SRRT: variants seen among roughly 807,000 people sequenced by gnomAD.
SRRT encodes the protein serrate RNA effector molecule homolog.
A neutral mutation model predicts 103.2 loss-of-function variants in SRRT; 32 were observed. That is an observed-to-expected ratio of 0.31 (90% CI 0.23 to 0.42). SRRT has a LOEUF of 0.42. SRRT is among the 10% of genes least tolerant of loss of function. The pLI is 1.00. For synonymous variants in SRRT, 525 were observed against 449.0 expected (o/e 1.17, Z -2.14); for missense variants, 986 against 1,207.5 (o/e 0.82, Z 2.72).
Position 100,887,532 on chromosome 7 carries a change from T to C in SRRT, c.2169+19T>C, listed in dbSNP as rs369882194. 6.2e-7 allele frequency: 1 copy of C among 1,611,614 alleles called. No homozygotes were observed. The highest frequency in any genetic ancestry group is 2.2e-5 in the East Asian group (1 of 44,828). Reference sequence around the variant, plus strand: ...ATTCAAGGTGTGGGATGTTGGAGAATGGCCGTGCTACGGTGGTGGGAGGTG... The same window carrying C: ...ATTCAAGGTGTGGGATGTTGGAGAACGGCCGTGCTACGGTGGTGGGAGGTG... On this transcript the variant is annotated intron_variant, in intron 16 of 19. Coordinates refer to ENST00000611405, the MANE Select transcript of SRRT (RefSeq NM_015908.6). This position sits in a 1 kb window ranked among gnomAD's most constrained non-coding sequence, Gnocchi z 4.1.
rs773983357 is a variant in SRRT at position 100,885,295 on chromosome 7, G to A, written c.1242G>A (p.Pro414=). Residue 414 remains proline (P), a synonymous_variant, in exon 10 of 20, where the codon CCG becomes CCA. Coordinates refer to ENST00000611405, the MANE Select transcript of SRRT (RefSeq NM_015908.6). The surrounding 1 kb of genome is among the most constrained non-coding windows in gnomAD (Gnocchi z 4.8). ...ACGCCGCGGGGCTGGAGTGCAAGCC[G>A]CGGCCGCTGCATAAGACCTGCTCCC... ...PKDAAGLECK[P]RPLHKTCSLF... 4.3e-6 allele frequency: 7 copies of A among 1,614,020 alleles called. No homozygotes were observed. Among genetic ancestry groups the A allele is most frequent in the South Asian group, 1.1e-5 (1 of 91,092 alleles).
intron 2 of SRRT, among the ~76,000 whole-genome samples, chr7:100,879,505 A>G (rs896121652): frequency 2.6e-5 from 4 of 152,214 alleles, no homozygotes; most frequent in Admixed American, 6.5e-5. Flanking sequence ...TGTAAAAACA[A>G]TGCCACTTTT....
At position 100,884,215 on chromosome 7, in the gene SRRT, G is replaced by T. The variant is rs140988239; in HGVS notation, c.733G>T (p.Ala245Ser). 7 of 1,614,050 alleles carry T rather than the reference G, an allele frequency of 4.3e-6. No homozygotes were observed. Among genetic ancestry groups the T allele is most frequent in the Middle Eastern group, 1.6e-4 (1 of 6,082 alleles). ...NLLLDIDKAD[A>S]IVKMLDAAVI... Reference sequence around the variant, plus strand: ...TCTCCTGGACATAGACAAAGCTGATGCCATTGTCAAGATGCTGGATGCAGG... The same window carrying T: ...TCTCCTGGACATAGACAAAGCTGATTCCATTGTCAAGATGCTGGATGCAGG... Residue 245 changes from alanine (A) to serine (S), a missense_variant, in exon 6 of 20, where the codon GCC (alanine) becomes TCC (serine). Physicochemically the swap from Ala to Ser is moderately conservative, Grantham distance 99. Around this residue, in one of 6 missense-constraint regions of SRRT, gnomAD observed 274 missense variants for 358.5 expected, o/e 0.76. Coordinates refer to ENST00000611405, the MANE Select transcript of SRRT (RefSeq NM_015908.6).
At position 100,884,920 on chromosome 7, in the gene SRRT, CAG is replaced by C; in HGVS notation, c.1042_1043del. On this transcript the variant is annotated splice_acceptor_variant, in intron 8 of 19. Transcript: ENST00000611405. LOFTEE classifies it high-confidence loss of function. Reference sequence around the variant, plus strand: ...CTTGTCCCCTCTGCTGTGGCTCACACAGAGTAGCAAGAAGCGGAACCGGAAGC... The same window carrying C: ...CTTGTCCCCTCTGCTGTGGCTCACACAGTAGCAAGAAGCGGAACCGGAAGC... The C allele has an allele frequency of 6.2e-7, 1 of 1,613,922 alleles. No individual in the cohort carries two copies. The highest frequency in any genetic ancestry group is 8.5e-7 in the Non-Finnish European group (1 of 1,179,964).
Position 100,887,295 on chromosome 7 carries a change from T to C in SRRT, c.1976-25T>C. On this transcript the variant is annotated intron_variant, in intron 15 of 19. Coordinates refer to ENST00000611405, the MANE Select transcript of SRRT (RefSeq NM_015908.6). The surrounding 1 kb of genome is among the most constrained non-coding windows in gnomAD (Gnocchi z 4.1). ...TTCCTTCTGGCTCCCTTGCCAACCT[T>C]CCTTCCTCTGTTCCCAAACCACAGT... is the stretch of plus-strand genomic sequence containing the variant. 6.2e-7 allele frequency: 1 copy of C among 1,611,300 alleles called. No homozygotes were observed. The highest frequency in any genetic ancestry group is 8.5e-7 in the Non-Finnish European group (1 of 1,177,938).
intron 5 of SRRT, 21 bp from the exon 6 acceptor site, chr7:100,884,049 C>T (rs772456153): frequency 6.4e-6 from 10 of 1,560,554 alleles, no homozygotes; most frequent in East Asian, 2.3e-5. Flanking sequence ...TTTGTCTTTC[C>T]CTCCCCCGCT....
At chr7:100,875,766 C>G in intron 2 of SRRT, 54 bp downstream of exon 2, 1 of 1,602,962 alleles carries the variant, frequency 6.2e-7, no homozygotes, top group Admixed American at 1.7e-5. Context: ...TCACTCCACC[C>G]GCGTCGCTTT....
intron 2 of SRRT, among the ~76,000 whole-genome samples, chr7:100,877,331 G>T (rs1395193009): frequency 7.0e-6 from 1 of 143,800 alleles, no homozygotes; most frequent in African/African-American, 2.6e-5. Context: ...TGAGACAGGA[G>T]AATTGCTTGA....
intron 12 of SRRT, 30 bp from the exon 13 acceptor site, chr7:100,886,217 G>C: frequency 6.3e-7 from 1 of 1,599,200 alleles, no homozygotes; most frequent in Non-Finnish European, 8.5e-7. Flanking sequence ...GGGTAAGTGG[G>C]GTAAGCTGCT....
In SRRT at chr7:100,888,326, G is replaced by A. The variant is rs758672689; in HGVS notation, c.2498G>A (p.Arg833Gln). 4.3e-6 allele frequency: 7 copies of A among 1,614,140 alleles called. No homozygotes were observed. Among genetic ancestry groups the A allele is most frequent in the Non-Finnish European group, 5.9e-6 (7 of 1,179,984 alleles). ...PYPHAPYGAG[R>Q]GNYDAFRGQG... is the part of the protein sequence containing the mutation. ...CCCCATGCCCCGTATGGTGCTGGTCGAGGGAACTATGATGCCTTCCGAGGC... is the reference window on the plus strand; with the variant it reads ...CCCCATGCCCCGTATGGTGCTGGTCAAGGGAACTATGATGCCTTCCGAGGC... Residue 833 changes from arginine (R) to glutamine (Q), a missense_variant, in exon 19 of 20, where the codon CGA becomes CAA. Coordinates refer to ENST00000611405, the MANE Select transcript of SRRT (RefSeq NM_015908.6).
At chr7:100,879,541 G>A (rs993045189) in intron 2 of SRRT, among the ~76,000 whole-genome samples, 14 of 152,132 alleles carry the variant, frequency 9.2e-5, no homozygotes, top group Admixed American at 4.6e-4. Flanking sequence ...TCTGGAAAAC[G>A]ATTTTTCATA....
At chr7:100,879,838 A>T (rs970318466) in intron 2 of SRRT, among the ~76,000 whole-genome samples, 4 of 151,256 alleles carry the variant, frequency 2.6e-5, no homozygotes, top group Non-Finnish European at 4.4e-5. Context: ...AAGAAGAAGA[A>T]GATGAGGATG....
intron 3 of SRRT, 120 bp from the exon 4 acceptor site, chr7:100,881,539 C>T: frequency 1.3e-6 from 2 of 1,568,524 alleles, no homozygotes; most frequent in East Asian, 2.4e-5. Flanking sequence ...CCCATCGTTA[C>T]TTTGTCCCTT....
Position 100,888,645 on chromosome 7 carries a change from AT to A in SRRT, c.*97del. On this transcript the variant is annotated 3_prime_UTR_variant, in exon 20 of 20. Transcript: ENST00000611405. The stretch of plus-strand genomic sequence containing the variant: ...TTTTGTACGATCAGCCTTACTGCTA[AT>A]AAAAGCACTTCCACAGGGCTCCTGA... The A allele has an allele frequency of 6.5e-7, 1 of 1,527,460 alleles. No homozygotes were observed. Among genetic ancestry groups the A allele is most frequent in the African/African-American group, 1.4e-5 (1 of 73,272 alleles). 94.6% of individuals were successfully genotyped at this position (1,527,460 alleles called of 1,614,324 possible).
At chr7:100,886,165 CAAGAGGG>C in intron 12 of SRRT, 75 bp from the exon 13 acceptor site, 1 of 1,490,042 alleles carries the variant, frequency 6.7e-7, no homozygotes, top group Non-Finnish European at 9.1e-7. Context: ...CGCTGGTGCT[CAAGAGGG>C]AAGGGTCTTA....
chr7:100,877,001 G>A (rs1815778279), intron 2 of SRRT, among the ~76,000 whole-genome samples: 1 of 152,100 alleles, frequency 6.6e-6, no homozygotes. Flanking sequence ...GGGGGTCTCC[G>A]AGGCTAAAAT....
chr7:100,875,205 C>G lies in SRRT; in HGVS notation c.-142C>G. The G allele has an allele frequency of 4.3e-6, 1 of 233,062 alleles. No individual in the cohort carries two copies. Among genetic ancestry groups the G allele is most frequent in the Non-Finnish European group, 8.3e-6 (1 of 121,126 alleles). The allele number at this position is 233,062 out of a possible 1,614,324, so 14.4% of individuals were successfully genotyped here. A position where few individuals can be genotyped will look rare whatever the true frequency, so the allele number is the denominator to read the frequency against. ...CCACTTTTGTTCGCCTCTCTTCGGC[C>G]CTCTACTCAAGAGCTCCGTCTCCGT... On this transcript the variant is annotated 5_prime_UTR_variant, in exon 1 of 20. Transcript: ENST00000611405.
intron 2 of SRRT, among the ~76,000 whole-genome samples, chr7:100,877,403 G>A (rs1815839832): frequency 1.0e-5 from 1 of 98,106 alleles, no homozygotes; most frequent in Admixed American, 1.5e-4. Context: ...CCTGGCGACA[G>A]AGCAAGACTC....
chr7:100,884,148 G>A lies in SRRT; in HGVS notation c.666G>A (p.Arg222=), dbSNP rs1255302883. The A allele has an allele frequency of 1.9e-6, 3 of 1,613,864 alleles. No individual in the cohort carries two copies. Among genetic ancestry groups the A allele is most frequent in the Admixed American group, 1.7e-5 (1 of 59,956 alleles). Residue 222 remains arginine (R), a synonymous_variant, in exon 6 of 20, where the codon AGG becomes AGA. Transcript: ENST00000611405. The stretch of plus-strand genomic sequence containing the variant: ...GGGGGGCCCTGCAAAACCGACTGAG[G>A]GTCTTCCTGTCCCTCATGGAGACTG... ...EARGALQNRL[R]VFLSLMETGW...
Sources: allele counts gnomAD v4.1 joint callset (sites outside exome capture counted in the v4.1 genomes callset), GRCh38; gene constraint gnomAD v4.1.1; regional missense constraint gnomAD v4.1.1; non-coding constraint Gnocchi (gnomAD v3.1); transcripts MANE v1.5; gene names NCBI Gene and HGNC (gene_info 2026-07-23, HGNC 2026-07-21).